RAC2: variants seen among roughly 807,000 people sequenced by gnomAD.
The protein encoded by RAC2 is ras-related C3 botulinum toxin substrate 2.
Under a neutral mutation model 24.0 loss-of-function variants are expected in RAC2, and 1 was observed. The ratio of observed to expected loss-of-function variants is 0.04; its 90% CI spans 0.01 to 0.20. The LOEUF (loss-of-function observed/expected upper bound fraction) is 0.20, where lower values mean the gene tolerates loss of function less well. Among genes scored for constraint, RAC2 ranks in the 10% least tolerant of loss-of-function variants. RAC2 has a pLI of 1.00. For synonymous variants in RAC2, 114 were observed against 106.8 expected (o/e 1.07, Z -0.41); for missense variants, 130 against 259.1 (o/e 0.50, Z 3.42).
chr22:37,242,448 G>A (rs1274349849), intron 1 of RAC2, among the ~76,000 whole-genome samples: 1 of 152,160 alleles, frequency 6.6e-6, no homozygotes, highest in Non-Finnish European at 1.5e-5. Context: ...AAGTGATAAC[G>A]CGCGCCTCCT....
chr22:37,241,427 C>T (rs1175678363), intron 2 of RAC2, among the ~76,000 whole-genome samples, 160 bp downstream of exon 2: 2 of 152,232 alleles, frequency 1.3e-5, no homozygotes, highest in Non-Finnish European at 2.9e-5. Flanking sequence ...CTCTCAGCGC[C>T]AGTGCTGCCT....
intron 5 of RAC2, among the ~76,000 whole-genome samples, chr22:37,229,911 C>T (rs1411095402): frequency 6.6e-6 from 1 of 152,226 alleles, no homozygotes; most frequent in Non-Finnish European, 1.5e-5. Flanking sequence ...GCACCCTCCA[C>T]ATGATCCCAA....
At chr22:37,232,482 G>A (rs1390834180) in intron 3 of RAC2, 2 of 463,666 alleles carry the variant, frequency 4.3e-6, no homozygotes, top group Non-Finnish European at 4.0e-6. Flanking sequence ...AGCACTCCCA[G>A]GGCTCACCAT....
chr22:37,226,898 A>G, intron 5 of RAC2, 95 bp from the exon 6 acceptor site: 1 of 1,488,944 alleles, frequency 6.7e-7, no homozygotes, highest in Non-Finnish European at 9.2e-7. Context: ...CTTCCACGCC[A>G]TACACCCCTC....
intron 3 of RAC2, 139 bp downstream of exon 3, chr22:37,232,662 C>A (rs575326806): frequency 3.8e-5 from 27 of 716,942 alleles, no homozygotes; most frequent in African/African-American, 3.5e-4. Flanking sequence ...CTGGGACATG[C>A]AAGGCAGGCA....
chr22:37,230,424 C>T (rs922186499), intron 5 of RAC2, among the ~76,000 whole-genome samples: 1 of 152,020 alleles, frequency 6.6e-6, no homozygotes, highest in Non-Finnish European at 1.5e-5. Flanking sequence ...GATCCCTGAG[C>T]TACAGACACA....
At chr22:37,230,145 C>A (rs1364331248) in intron 5 of RAC2, among the ~76,000 whole-genome samples, 1 of 151,962 alleles carries the variant, frequency 6.6e-6, no homozygotes, top group Non-Finnish European at 1.5e-5. Context: ...TAGTCTGAGG[C>A]CCCCGGGGAA....
intron 2 of RAC2, among the ~76,000 whole-genome samples, chr22:37,236,797 T>C (rs1322372634): frequency 6.6e-6 from 1 of 152,026 alleles, no homozygotes; most frequent in African/African-American, 2.4e-5. Flanking sequence ...AAAGGATTGA[T>C]GTCATAGGGG....
At chr22:37,242,533 G>C (rs1304936704) in intron 1 of RAC2, among the ~76,000 whole-genome samples, 1 of 152,114 alleles carries the variant, frequency 6.6e-6, no homozygotes, top group African/African-American at 2.4e-5. Context: ...GACAGCTCTG[G>C]GCCTTCCCCT....
At chr22:37,234,571 TG>T (rs2145826290) in intron 2 of RAC2, among the ~76,000 whole-genome samples, 1 of 152,286 alleles carries the variant, frequency 6.6e-6, no homozygotes, top group South Asian at 2.1e-4. Context: ...GGCCCTGACC[TG>T]GTCCACTGAG....
At chr22:37,239,756 C>A (rs1927333896) in intron 2 of RAC2, among the ~76,000 whole-genome samples, 1 of 152,204 alleles carries the variant, frequency 6.6e-6, no homozygotes, top group East Asian at 1.9e-4. Flanking sequence ...AGGTCTCAAG[C>A]CAGCATCCAG....
At chr22:37,243,669 C>T (rs1395568796) in intron 1 of RAC2, among the ~76,000 whole-genome samples, 5 of 152,204 alleles carry the variant, frequency 3.3e-5, no homozygotes, top group African/African-American at 4.8e-5. Context: ...AGCTGAGGTT[C>T]AGAGAGGTGC....
intron 2 of RAC2, among the ~76,000 whole-genome samples, chr22:37,234,464 G>A (rs1195140521): frequency 6.6e-6 from 1 of 152,140 alleles, no homozygotes; most frequent in Admixed American, 6.5e-5. Context: ...AGTGCTCACT[G>A]CCCCAGGCCA....
chr22:37,229,558 C>T (rs902320753), intron 5 of RAC2, among the ~76,000 whole-genome samples: 14 of 152,208 alleles, frequency 9.2e-5, no homozygotes, highest in Non-Finnish European at 1.3e-4. Context: ...GCCCCCAAAA[C>T]TTGTCATCCC....
chr22:37,239,995 G>C (rs73881652), intron 2 of RAC2, among the ~76,000 whole-genome samples: 1 of 152,204 alleles, frequency 6.6e-6, no homozygotes, highest in Non-Finnish European at 1.5e-5. Flanking sequence ...CATCAGGACC[G>C]AGCTGGGGCA....
chr22:37,226,812 G>A lies in RAC2; in HGVS notation c.449-9C>T, dbSNP rs1420203399. ...CAGGTATTTCACCGAGTCTGGTTGG[G>A]GAGATGGACAGGAGAGCCAAGGCCT... On this transcript the variant is annotated splice_polypyrimidine_tract_variant and intron_variant, in intron 5 of 6. Coordinates refer to ENST00000249071, the MANE Select transcript of RAC2 (RefSeq NM_002872.5). 7 of 1,612,066 alleles carry A rather than the reference G, an allele frequency of 4.3e-6. No homozygotes were observed. Among genetic ancestry groups the A allele is most frequent in the Non-Finnish European group, 5.1e-6 (6 of 1,179,324 alleles).
Position 37,226,731 on chromosome 22 carries a change from C to T in RAC2, c.521G>A (p.Arg174Gln), listed in dbSNP as rs542730360. The T allele has an allele frequency of 1.2e-6, 2 of 1,613,064 alleles. No homozygotes were observed. Among genetic ancestry groups the T allele is most frequent in the East Asian group, 2.2e-5 (1 of 44,866 alleles). ...CGTGGGCTGAGGGCACAGCACGGCC[C>T]GGATGGCCTCGTCGAACACGGTTTT... ...GLKTVFDEAI[R>Q]AVLCPQPTRQ... is the part of the protein sequence containing the mutation. The change falls in exon 6 of 7, where the codon CGG (arginine) becomes CAG (glutamine). Residue 174 changes from arginine (R) to glutamine (Q), a missense_variant. Coordinates refer to ENST00000249071, the MANE Select transcript of RAC2 (RefSeq NM_002872.5).
In RAC2 at chr22:37,241,675, G is replaced by A. The variant is rs1260518845; in HGVS notation, c.36-17C>T. The A allele has an allele frequency of 1.9e-6, 3 of 1,610,770 alleles. No individual in the cohort carries two copies. The highest frequency in any genetic ancestry group is 1.7e-6 in the Non-Finnish European group (2 of 1,177,056). ...CCCACGGCCCTGAAAGACAGGAAGT[G>A]CAAGAGGGCGGCGGTCATGGGCTCT... On this transcript the variant is annotated splice_polypyrimidine_tract_variant and intron_variant, in intron 1 of 6. Coordinates refer to ENST00000249071, the MANE Select transcript of RAC2 (RefSeq NM_002872.5).
At chr22:37,237,546 A>T (rs1927268125) in intron 2 of RAC2, among the ~76,000 whole-genome samples, 1 of 152,126 alleles carries the variant, frequency 6.6e-6, no homozygotes, top group African/African-American at 2.4e-5. Context: ...GGCCTGGCGC[A>T]CACAGCTAGG....
Sources: allele counts gnomAD v4.1 joint callset (sites outside exome capture counted in the v4.1 genomes callset), GRCh38; gene constraint gnomAD v4.1.1; transcripts MANE v1.5; gene names NCBI Gene and HGNC (gene_info 2026-07-23, HGNC 2026-07-21).